The following CPNE8 variants were observed in gnomAD, a reference collection of about 807,000 sequenced individuals.
CPNE8 encodes copine-8.
In CPNE8, 45 loss-of-function variants were observed where a neutral mutation model predicts 81.5. The observed-to-expected ratio is 0.55, with a 90% CI of 0.44 to 0.71. The LOEUF (loss-of-function observed/expected upper bound fraction) is 0.71, where lower values mean the gene tolerates loss of function less well. Among genes scored for constraint, CPNE8 ranks in the 30% least tolerant of loss-of-function variants. The pLI, the probability that CPNE8 is intolerant of heterozygous loss-of-function variation, is 0.00. For missense variants in CPNE8, 594 were observed against 672.1 expected, an observed-to-expected ratio of 0.88 and a Z score of 1.28; for synonymous variants, 252 against 226.3, an observed-to-expected ratio of 1.11 and a Z score of -1.02.
At chr12:38,739,169 G>T (rs998949329) in intron 10 of CPNE8, among the ~76,000 whole-genome samples, 4 of 152,004 alleles carry the variant, frequency 2.6e-5, no homozygotes, top group Admixed American at 2.6e-4. Context: ...TTTGTGATAG[G>T]CTTCAATAAT....
intron 3 of CPNE8, among the ~76,000 whole-genome samples, chr12:38,863,819 G>A (rs762248514): frequency 6.6e-6 from 1 of 152,110 alleles, no homozygotes; most frequent in Non-Finnish European, 1.5e-5. Context: ...TTGGGAGGCC[G>A]AGGCGGGCGG....
intron 13 of CPNE8, among the ~76,000 whole-genome samples, chr12:38,705,759 C>T (rs1296439531): frequency 6.6e-6 from 1 of 152,032 alleles, no homozygotes; most frequent in Admixed American, 6.6e-5. Flanking sequence ...TCTGAATGAA[C>T]TGGGTTTGAG....
At chr12:38,716,292 C>G (rs1008655179) in intron 13 of CPNE8, among the ~76,000 whole-genome samples, 1 of 151,868 alleles carries the variant, frequency 6.6e-6, no homozygotes, top group Non-Finnish European at 1.5e-5. Flanking sequence ...AATGAGTAAA[C>G]ACTATCCTAA....
intron 15 of CPNE8, among the ~76,000 whole-genome samples, chr12:38,689,305 C>T (rs1939615059): frequency 6.6e-6 from 1 of 152,174 alleles, no homozygotes; most frequent in Non-Finnish European, 1.5e-5. Context: ...CAGCTCTTAC[C>T]CATTTTTCCT....
chr12:38,839,884 A>G (rs1382322737), intron 5 of CPNE8, 32 bp downstream of exon 5: 1 of 1,521,410 alleles, frequency 6.6e-7, no homozygotes, highest in Non-Finnish European at 9.0e-7. Context: ...ATTGTATTAT[A>G]ATGTTATAAA....
At chr12:38,695,207 T>C (rs998279500) in intron 14 of CPNE8, among the ~76,000 whole-genome samples, 8 of 152,218 alleles carry the variant, frequency 5.3e-5, no homozygotes, top group Non-Finnish European at 8.8e-5. Flanking sequence ...ACCTTTGAGA[T>C]GTAAATCTTC....
rs199746171 is a variant in CPNE8 at position 38,667,792 on chromosome 12, C to CT, written c.1506+2936dup. 5.4e-5 allele frequency among the ~76,000 whole-genome samples: 8 copies of CT among 147,600 alleles called. No individual in the cohort carries two copies. The South Asian group carries it at 6.5e-4, about 12-fold the overall frequency. On this transcript the variant is annotated intron_variant, in intron 19 of 19. Coordinates refer to ENST00000331366, the MANE Select transcript of CPNE8 (RefSeq NM_153634.3). ...GATAGGCTGCTCTCAAGGATTCTGA[C>CT]TTTTTTTTTTTCTTTCATTTTTGAG...
Position 38,653,193 on chromosome 12 carries a change from C to T in CPNE8, c.*689G>A, listed in dbSNP as rs1354003847. 1 of 152,526 alleles carries T rather than the reference C, an allele frequency of 6.6e-6. No individual in the cohort carries two copies. The highest frequency in any genetic ancestry group is 2.4e-5 in the African/African-American group (1 of 41,432). 9.4% of individuals were successfully genotyped at this position (152,526 alleles called of 1,614,324 possible). On this transcript the variant is annotated 3_prime_UTR_variant, in exon 20 of 20. Coordinates refer to ENST00000331366, the MANE Select transcript of CPNE8 (RefSeq NM_153634.3). ...CTGCAGTCTAAATTTAGAACCCAAACTCCATGAAAAATGCATGTTCAACCA... is the reference window on the plus strand; with the variant it reads ...CTGCAGTCTAAATTTAGAACCCAAATTCCATGAAAAATGCATGTTCAACCA...
chr12:38,797,254 T>A (rs1489835534), intron 6 of CPNE8, among the ~76,000 whole-genome samples: 1 of 152,124 alleles, frequency 6.6e-6, no homozygotes, highest in Non-Finnish European at 1.5e-5. Flanking sequence ...CTCAACTGCG[T>A]CCCTGACCCC....
intron 19 of CPNE8, among the ~76,000 whole-genome samples, chr12:38,666,141 C>T (rs1224443405): frequency 6.6e-6 from 1 of 152,162 alleles, no homozygotes; most frequent in Non-Finnish European, 1.5e-5. Context: ...TATCCAGGAT[C>T]AGCTCTGAGT....
chr12:38,728,948 A>G (rs1940768458), intron 11 of CPNE8, among the ~76,000 whole-genome samples: 1 of 152,160 alleles, frequency 6.6e-6, no homozygotes. Flanking sequence ...TTAAGAACAC[A>G]TAAACATTAT....
rs1256602988 is a variant in CPNE8, at chr12:38,670,862, G to A, written c.1433-60C>T. 6 of 1,213,228 alleles carry A rather than the reference G, an allele frequency of 4.9e-6. No homozygotes were observed. The African/African-American group carries it at 7.6e-5, about 15-fold the overall frequency. 75.2% of individuals were successfully genotyped at this position (1,213,228 alleles called of 1,614,324 possible). A position where few individuals can be genotyped will look rare whatever the true frequency, so the allele number is the denominator to read the frequency against. ...TTTTAGCCAAATACTAAAACAATGTGGACAACAAGGAAATCAAGATGTATG... is the reference window on the plus strand; with the variant it reads ...TTTTAGCCAAATACTAAAACAATGTAGACAACAAGGAAATCAAGATGTATG... On this transcript the variant is annotated intron_variant, in intron 18 of 19. Coordinates refer to ENST00000331366, the MANE Select transcript of CPNE8 (RefSeq NM_153634.3).
At chr12:38,740,324 T>A (rs11169333) in intron 10 of CPNE8, among the ~76,000 whole-genome samples, 122,653 of 152,116 alleles carry the variant, frequency 0.81, 52,424 homozygotes, top group Middle Eastern at 0.97. Context: ...TTTCTAGATA[T>A]ACAGTCATGT....
intron 6 of CPNE8, among the ~76,000 whole-genome samples, chr12:38,798,473 A>C (rs925840613): frequency 6.6e-6 from 1 of 152,138 alleles, no homozygotes; most frequent in Non-Finnish European, 1.5e-5. Context: ...AAGGAGAAAT[A>C]AAATACTTTA....
At chr12:38,710,021 T>C (rs1940211189) in intron 13 of CPNE8, among the ~76,000 whole-genome samples, 1 of 152,022 alleles carries the variant, frequency 6.6e-6, no homozygotes, top group Non-Finnish European at 1.5e-5. Context: ...CCCTCAACTC[T>C]TTATTCTTCA....
At chr12:38,809,934 G>A (rs1211109444) in intron 6 of CPNE8, among the ~76,000 whole-genome samples, 1 of 152,140 alleles carries the variant, frequency 6.6e-6, no homozygotes, top group African/African-American at 2.4e-5. Flanking sequence ...GAAATAAAAG[G>A]TAAAATGGAG....
chr12:38,747,021 A>G (rs1373341627), intron 10 of CPNE8, among the ~76,000 whole-genome samples: 3 of 152,292 alleles, frequency 2.0e-5, no homozygotes, highest in Admixed American at 2.0e-4. Flanking sequence ...CAGGCACACT[A>G]AACTCCAAGC....
intron 10 of CPNE8, among the ~76,000 whole-genome samples, chr12:38,734,611 T>G (rs1940911085): frequency 6.6e-6 from 1 of 152,048 alleles, no homozygotes; most frequent in South Asian, 2.1e-4. Flanking sequence ...ACCACCATGT[T>G]GTCTTGAGTC....
intron 10 of CPNE8, among the ~76,000 whole-genome samples, chr12:38,742,822 C>A (rs1025070858): frequency 6.6e-6 from 1 of 151,712 alleles, no homozygotes; most frequent in African/African-American, 2.4e-5. Flanking sequence ...TATAGGTTAA[C>A]AAGTTTGTGT....
Sources: allele counts gnomAD v4.1 joint callset (sites outside exome capture counted in the v4.1 genomes callset), GRCh38; gene constraint gnomAD v4.1.1; transcripts MANE v1.5; gene names NCBI Gene and HGNC (gene_info 2026-07-23, HGNC 2026-07-21).